The following LPA variants were observed in gnomAD, a reference collection of about 807,000 sequenced individuals.
LPA encodes the protein lipoprotein(a), also known as apolipoprotein(a).
In LPA, 199 loss-of-function variants were observed where a neutral mutation model predicts 197.9. That is an observed-to-expected ratio of 1.01 (90% CI 0.90 to 1.13). The LOEUF is 1.13. LPA is among the 50% of genes most tolerant of loss of function. The pLI is 0.00. For synonymous variants in LPA, 715 were observed against 639.5 expected (o/e 1.12, Z -1.78); for missense variants, 1,853 against 1,785.8 (o/e 1.04, Z -0.68).
Position 160,652,016 on chromosome 6 carries a change from CA to C in LPA, c.50-1520del, listed in dbSNP as rs58821197. On this transcript the variant is annotated intron_variant, in intron 1 of 38. Coordinates refer to ENST00000316300, the MANE Select transcript of LPA (RefSeq NM_005577.4). Reference sequence around the variant, plus strand: ...ACAGATACAAAAAAAGAGTTCCTGACAAAAAAAAAAAAGCAGAAGAAGCATA... The same window carrying C: ...ACAGATACAAAAAAAGAGTTCCTGACAAAAAAAAAAAGCAGAAGAAGCATA... 7.6e-3 allele frequency among the ~76,000 whole-genome samples: 931 copies of C among 122,484 alleles called. 8 individuals carry two copies. Among genetic ancestry groups the C allele is most frequent in the Admixed American group, 9.3e-3 (110 of 11,772 alleles). The allele number at this position is 122,484 out of a possible 152,430, so 80.4% of individuals were successfully genotyped here.
intron 1 of LPA, among the ~76,000 whole-genome samples, chr6:160,658,354 T>A (rs1780166097): frequency 6.6e-6 from 1 of 152,208 alleles, no homozygotes; most frequent in African/African-American, 2.4e-5. Context: ...ACTCGCATGA[T>A]AACAGCTTGT....
intron 33 of LPA, among the ~76,000 whole-genome samples, chr6:160,544,871 T>C (rs1778039515): frequency 6.6e-6 from 1 of 152,060 alleles, no homozygotes; most frequent in Non-Finnish European, 1.5e-5. Context: ...CTCAGAGCAA[T>C]GAGGAAGGAA....
intron 16 of LPA, among the ~76,000 whole-genome samples, chr6:160,611,018 T>A (rs1411929102): frequency 6.6e-6 from 1 of 152,154 alleles, no homozygotes; most frequent in East Asian, 1.9e-4. Flanking sequence ...CTCATCTGCC[T>A]TCCTTCCTTG....
intron 28 of LPA, among the ~76,000 whole-genome samples, chr6:160,576,393 T>C (rs930347046): frequency 7.3e-5 from 2 of 27,274 alleles, no homozygotes; most frequent in African/African-American, 1.9e-4. Context: ...TATATATGTA[T>C]ATATATATAT....
intron 28 of LPA, among the ~76,000 whole-genome samples, chr6:160,560,102 C>G (rs945573472): frequency 3.3e-5 from 5 of 152,184 alleles, no homozygotes; most frequent in African/African-American, 1.2e-4. Flanking sequence ...ATCCATGTCC[C>G]TGCAAAAGAC....
chr6:160,566,874 A>G (rs1583583416), intron 28 of LPA, among the ~76,000 whole-genome samples: 1 of 152,316 alleles, frequency 6.6e-6, no homozygotes, highest in East Asian at 1.9e-4. Flanking sequence ...CTTTAAACTA[A>G]CAAAGATCAA....
intron 37 of LPA, 97 bp downstream of exon 37, chr6:160,537,758 G>T: frequency 8.8e-7 from 1 of 1,133,668 alleles, no homozygotes; most frequent in Non-Finnish European, 1.3e-6. Context: ...CACATTCATG[G>T]GTAGGAATTT....
Position 160,599,592 on chromosome 6 carries a change from T to A in LPA, c.3195A>T (p.Thr1065=). The part of the protein sequence containing the change: ...YYHYGQSYRG[T]YSTTVTGRTC... ...TTCTTCCTGTGACAGTGGTGGAGTA[T>A]GTGCCTCGGTAACTCTGTCCATAAT... Residue 1065 remains threonine (T), a synonymous_variant, in exon 20 of 39, where the codon ACA becomes ACT. Coordinates refer to ENST00000316300, the MANE Select transcript of LPA (RefSeq NM_005577.4). 1 of 1,614,132 alleles carries A rather than the reference T, an allele frequency of 6.2e-7. No individual in the cohort carries two copies. Among genetic ancestry groups the A allele is most frequent in the Non-Finnish European group, 8.5e-7 (1 of 1,179,992 alleles).
At chr6:160,588,725 C>G (rs970213105) in intron 24 of LPA, among the ~76,000 whole-genome samples, 1 of 152,130 alleles carries the variant, frequency 6.6e-6, no homozygotes, top group Non-Finnish European at 1.5e-5. Flanking sequence ...ACTCCAGTCT[C>G]TCTCCTCAGT....
intron 35 of LPA, among the ~76,000 whole-genome samples, chr6:160,540,479 G>T (rs1777963881): frequency 6.6e-6 from 1 of 152,182 alleles, no homozygotes; most frequent in Non-Finnish European, 1.5e-5. Context: ...GATCATAGAG[G>T]TGCATCCCTC....
At chr6:160,551,375 C>T (rs1778164337) in intron 30 of LPA, among the ~76,000 whole-genome samples, 1 of 152,120 alleles carries the variant, frequency 6.6e-6, no homozygotes, top group Admixed American at 6.6e-5. Flanking sequence ...ATCTGTTGCC[C>T]ATTAGTTGTT....
Position 160,578,660 on chromosome 6 carries a change from C to T in LPA, c.4334G>A (p.Arg1445His), listed in dbSNP as rs201378726. 2.8e-4 allele frequency: 451 copies of T among 1,613,794 alleles called. 1 individual carries two copies. The highest frequency in any genetic ancestry group is 9.3e-4 in the Admixed American group (56 of 59,992). The change falls in exon 27 of 39, where the codon CGC (arginine) becomes CAC (histidine). Residue 1445 changes from arginine to histidine, a missense_variant. Arg to His is a conservative substitution (Grantham distance 29, BLOSUM62 0). Around this residue, in one of 3 missense-constraint regions of LPA, gnomAD observed 1,737 missense variants for 1,504.4 expected, o/e 1.15. Transcript: ENST00000316300. ...GGGATCCATGGTGTAACACCAAGGG[C>T]GAATCTCAGCATCTGGATTCCTGCA... is the stretch of plus-strand genomic sequence containing the variant. ...NYCRNPDAEI[R>H]PWCYTMDPSV...
chr6:160,586,512 A>T lies in LPA; in HGVS notation c.4066T>A (p.Ser1356Thr), dbSNP rs747161172. Reference sequence around the variant, plus strand: ...ACCGTGGGAGTTGTGAGGAGAGTTGATTCCATCACTGGACATTGCGTCAGG... The same window carrying T: ...ACCGTGGGAGTTGTGAGGAGAGTTGTTTCCATCACTGGACATTGCGTCAGG... ...CNLTQCPVME[S>T]TLLTTPTVVP... Residue 1356 changes from serine (S) to threonine (T), a missense_variant, in exon 25 of 39, where the codon TCA (serine) becomes ACA (threonine). This residue lies in a region of LPA where 1,737 missense variants were observed against 1,504.4 expected (regional missense o/e 1.15). Transcript: ENST00000316300. 2 of 1,613,766 alleles carry T rather than the reference A, an allele frequency of 1.2e-6. No individual in the cohort carries two copies. The highest frequency in any genetic ancestry group is 1.7e-6 in the Non-Finnish European group (2 of 1,179,768).
At chr6:160,583,112 C>A (rs969881591) in intron 26 of LPA, among the ~76,000 whole-genome samples, 1 of 152,048 alleles carries the variant, frequency 6.6e-6, no homozygotes, top group Non-Finnish European at 1.5e-5. Context: ...TCCTTGAACA[C>A]AATTATGATA....
chr6:160,547,791 T>A lies in LPA; in HGVS notation c.5302A>T (p.Asn1768Tyr), dbSNP rs368260113. Reference sequence around the variant, plus strand: ...GAGTCCAAATCAAAGTGGCTTACATTTTTTTCCAGACCTGCCCATTTATTT... The same window carrying A: ...GAGTCCAAATCAAAGTGGCTTACATATTTTTCCAGACCTGCCCATTTATTT... ...GTNKWAGLEK[N>Y]YCRNPDGDIN... Residue 1768 changes from asparagine (N) to tyrosine (Y), a missense_variant and splice_region_variant, in exon 32 of 39, where the codon AAT becomes TAT. Asn to Tyr is a moderately radical substitution (Grantham distance 143). Coordinates refer to ENST00000316300, the MANE Select transcript of LPA (RefSeq NM_005577.4). 33 of 1,613,864 alleles carry A rather than the reference T, an allele frequency of 2.0e-5. No homozygotes were observed. In the African/African-American group the frequency reaches 4.1e-4, roughly 20 times the overall value.
At chr6:160,578,400 GC>G in intron 27 of LPA, 122 bp downstream of exon 27, 2 of 1,241,300 alleles carry the variant, frequency 1.6e-6, no homozygotes, top group Non-Finnish European at 2.3e-6. Flanking sequence ...GGGCGCTGAG[GC>G]TTTCCTCCAC....
chr6:160,594,226 C>A (rs559623215), intron 21 of LPA, 109 bp from the exon 22 acceptor site: 80 of 1,381,434 alleles, frequency 5.8e-5, no homozygotes, highest in Non-Finnish European at 7.9e-5. Flanking sequence ...GACTACCATG[C>A]TCTGTTCTGT....
intron 25 of LPA, among the ~76,000 whole-genome samples, chr6:160,585,470 A>C (rs1173558609): frequency 6.6e-6 from 1 of 152,196 alleles, no homozygotes; most frequent in Non-Finnish European, 1.5e-5. Flanking sequence ...CCTATACTTC[A>C]AAATTACACT....
intron 20 of LPA, among the ~76,000 whole-genome samples, chr6:160,596,514 T>C (rs186713119): frequency 6.6e-6 from 1 of 152,262 alleles, no homozygotes; most frequent in Non-Finnish European, 1.5e-5. Context: ...TGAATATTTA[T>C]AGTATAAGAA....
Sources: gnomAD v4.1 joint callset for allele counts (sites outside exome capture counted in the v4.1 genomes callset) on GRCh38, gnomAD v4.1.1 for gene constraint, gnomAD v4.1.1 regional missense constraint, MANE v1.5 for transcripts, NCBI Gene and HGNC (gene_info 2026-07-23, HGNC 2026-07-21) for gene names.